APBB1IP: variants seen among roughly 807,000 people sequenced by gnomAD.
APBB1IP encodes amyloid beta precursor protein binding family B member 1 interacting protein, also known as amyloid beta A4 precursor protein-binding family B member 1-interacting protein.
In APBB1IP, 27 loss-of-function variants were observed where a neutral mutation model predicts 64.9. That is an observed-to-expected ratio of 0.42 (90% CI 0.31 to 0.57). The LOEUF (loss-of-function observed/expected upper bound fraction) is 0.57. APBB1IP is among the 20% of genes least tolerant of loss of function. The pLI is 0.20. For missense variants in APBB1IP, 812 were observed against 845.5 expected (o/e 0.96, Z 0.49); for synonymous variants, 392 against 331.0 (o/e 1.18, Z -2.00).
At chr10:26,475,089 T>C (rs1391711026) in intron 2 of APBB1IP, among the ~76,000 whole-genome samples, 1 of 152,134 alleles carries the variant, frequency 6.6e-6, no homozygotes, top group African/African-American at 2.4e-5. Flanking sequence ...CTCGCTGATG[T>C]GTCCGTGTCT....
chr10:26,469,206 C>G (rs1163797380), intron 2 of APBB1IP, among the ~76,000 whole-genome samples: 1 of 150,098 alleles, frequency 6.7e-6, no homozygotes, highest in African/African-American at 2.5e-5. Flanking sequence ...ATTTTTATAT[C>G]CTTATTCTAT....
chr10:26,551,074 G>A (rs1379385928), intron 11 of APBB1IP, among the ~76,000 whole-genome samples: 1 of 152,170 alleles, frequency 6.6e-6, no homozygotes, highest in South Asian at 2.1e-4. Context: ...AGGTCCAGAG[G>A]TTCTGTGGAC....
At chr10:26,518,010 A>C (rs1391974343) in intron 8 of APBB1IP, among the ~76,000 whole-genome samples, 2 of 152,180 alleles carry the variant, frequency 1.3e-5, no homozygotes, top group Non-Finnish European at 2.9e-5. Context: ...GCTGGAATAC[A>C]GTGGTGCAAT....
intron 10 of APBB1IP, among the ~76,000 whole-genome samples, chr10:26,538,916 C>T (rs1836662562): frequency 1.3e-5 from 2 of 152,152 alleles, no homozygotes; most frequent in Admixed American, 6.5e-5. Flanking sequence ...AACAGGTCGA[C>T]AGACAACCGT....
At chr10:26,555,626 AG>A (rs1413552649) in intron 11 of APBB1IP, among the ~76,000 whole-genome samples, 1 of 152,070 alleles carries the variant, frequency 6.6e-6, no homozygotes, top group Non-Finnish European at 1.5e-5. Flanking sequence ...TGTTTGAGGT[AG>A]GGTCTCCTCC....
At chr10:26,484,674 TAAACAA>T (rs1011300071) in intron 2 of APBB1IP, among the ~76,000 whole-genome samples, 6 of 152,188 alleles carry the variant, frequency 3.9e-5, no homozygotes, top group African/African-American at 1.4e-4. Context: ...AATTCCTATA[TAAACAA>T]TTGTATTATT....
rs1336784045 is a variant in APBB1IP, at chr10:26,503,221, G to A, written c.478G>A (p.Ala160Thr). 7 of 1,613,972 alleles carry A rather than the reference G, an allele frequency of 4.3e-6. No homozygotes were observed. The highest frequency in any genetic ancestry group is 5.9e-6 in the Non-Finnish European group (7 of 1,180,010). The stretch of plus-strand genomic sequence containing the variant: ...GGAAGAGGAAGAAGCCCAAGCCAAG[G>A]CTGATAAAATTAAGCTGGCGCTGGA... ...SQEEEEAQAK[A>T]DKIKLALEKL... Residue 160 changes from alanine (A) to threonine (T), a missense_variant, in exon 6 of 15, where the codon GCT becomes ACT. Transcript: ENST00000376236.
chr10:26,509,889 G>A (rs985601008), intron 6 of APBB1IP, among the ~76,000 whole-genome samples: 2 of 152,184 alleles, frequency 1.3e-5, no homozygotes, highest in Non-Finnish European at 2.9e-5. Flanking sequence ...AAGCCTAGCT[G>A]CATAACTTCA....
rs143224011 is a variant in APBB1IP at position 26,560,820 on chromosome 10, G to A, written c.1345G>A (p.Ala449Thr). The change falls in exon 13 of 15, where the codon GCT becomes ACT. Residue 449 changes from alanine to threonine, a missense_variant. By Grantham distance (58) the Ala-to-Thr change is moderately conservative. Transcript: ENST00000376236. ...GACAAACTTGGGGACAGTCAATGCAGCTGCACCAGCTCAGCCATCTACAGG... is the reference window on the plus strand; with the variant it reads ...GACAAACTTGGGGACAGTCAATGCAACTGCACCAGCTCAGCCATCTACAGG... ...RWTNLGTVNAAAPAQPSTGPK... is the reference protein window; with the variant it reads ...RWTNLGTVNATAPAQPSTGPK... The A allele has an allele frequency of 1.7e-5, 27 of 1,600,994 alleles. No individual in the cohort carries two copies. The African/African-American group carries it at 3.0e-4, about 18-fold the overall frequency.
chr10:26,465,601 T>A (rs562435367), intron 2 of APBB1IP, among the ~76,000 whole-genome samples: 1 of 152,164 alleles, frequency 6.6e-6, no homozygotes, highest in Non-Finnish European at 1.5e-5. Context: ...AAAGAAAAAA[T>A]TATAATTATG....
At chr10:26,525,662 G>A (rs140894499) in intron 8 of APBB1IP, among the ~76,000 whole-genome samples, 19 of 152,248 alleles carry the variant, frequency 1.2e-4, no homozygotes, top group African/African-American at 4.6e-4. Context: ...CTAACCCATT[G>A]CTAGGTTTAT....
intron 2 of APBB1IP, among the ~76,000 whole-genome samples, chr10:26,445,180 G>GAAAT (rs1173873487): frequency 9.4e-5 from 13 of 138,896 alleles, no homozygotes; most frequent in Admixed American, 8.5e-4. Flanking sequence ...AAGAAAGAAA[G>GAAAT]AAAGAAAGAA....
intron 2 of APBB1IP, among the ~76,000 whole-genome samples, chr10:26,479,361 C>A (rs1439656964): frequency 6.6e-6 from 1 of 151,032 alleles, no homozygotes; most frequent in Non-Finnish European, 1.5e-5. Flanking sequence ...TACCCCTGAA[C>A]CTAAAATAAT....
At chr10:26,450,443 A>T (rs1835452817) in intron 2 of APBB1IP, among the ~76,000 whole-genome samples, 1 of 152,232 alleles carries the variant, frequency 6.6e-6, no homozygotes, top group African/African-American at 2.4e-5. Context: ...TTTGTTATCC[A>T]CATGCCTCTA....
At chr10:26,473,684 T>C (rs538680999) in intron 2 of APBB1IP, among the ~76,000 whole-genome samples, 24 of 152,258 alleles carry the variant, frequency 1.6e-4, no homozygotes, top group African/African-American at 5.5e-4. Context: ...ACCATCATGA[T>C]TTCAGAAGCA....
intron 2 of APBB1IP, among the ~76,000 whole-genome samples, chr10:26,483,879 A>AT (rs1006827957): frequency 2.6e-5 from 4 of 151,952 alleles, no homozygotes; most frequent in African/African-American, 9.7e-5. Context: ...TGACTGGCTA[A>AT]TTTTTTTATT....
chr10:26,503,550 G>T (rs1273489384), intron 6 of APBB1IP, among the ~76,000 whole-genome samples: 1 of 152,084 alleles, frequency 6.6e-6, no homozygotes, highest in Non-Finnish European at 1.5e-5. Context: ...AAGGAGAATT[G>T]CTTGAACCCA....
intron 2 of APBB1IP, among the ~76,000 whole-genome samples, chr10:26,468,424 C>T (rs1183233927): frequency 6.6e-6 from 1 of 152,126 alleles, no homozygotes; most frequent in Non-Finnish European, 1.5e-5. Flanking sequence ...ATAAATGCTT[C>T]TTGAGCTAAT....
At chr10:26,452,885 C>G (rs971764052) in intron 2 of APBB1IP, among the ~76,000 whole-genome samples, 2 of 149,926 alleles carry the variant, frequency 1.3e-5, no homozygotes, top group Non-Finnish European at 3.0e-5. Context: ...TTAGCTTCCA[C>G]TTATAAGTGA....
Sources: gnomAD v4.1 joint callset for allele counts (sites outside exome capture counted in the v4.1 genomes callset) on GRCh38, gnomAD v4.1.1 for gene constraint, MANE v1.5 for transcripts, NCBI Gene and HGNC (gene_info 2026-07-23, HGNC 2026-07-21) for gene names.